Variants in IPO8 observed in about 807,000 individuals in gnomAD.
IPO8 encodes the protein importin 8, also known as importin-8.
In IPO8, 65 loss-of-function variants were observed where a neutral mutation model predicts 141.2. The observed-to-expected ratio is 0.46, with a 90% CI of 0.38 to 0.57. The LOEUF is 0.57. Ranked by LOEUF, IPO8 falls within the 20% of genes least tolerant of loss-of-function variation. The pLI is 0.00. For missense variants in IPO8, 980 were observed against 1,246.8 expected (o/e 0.79, Z 3.22); for synonymous variants, 411 against 420.3 (o/e 0.98, Z 0.27).
chr12:30,663,492 G>C lies in IPO8; in HGVS notation c.1591C>G (p.Gln531Glu), dbSNP rs1186762432. Residue 531 changes from glutamine to glutamate, a missense_variant, in exon 14 of 25, where the codon CAA becomes GAA. By Grantham distance (29) the Gln-to-Glu change is conservative (BLOSUM62 2). Transcript: ENST00000256079. ...ALQSLISNQI[Q>E]AKEYMKPHVR... ...CTAAAAGGTATTTTGGCTTTACCTT[G>C]TATCTGGTTAGAAATTAAAGACTGA... The C allele has an allele frequency of 1.2e-6, 2 of 1,608,298 alleles. No individual in the cohort carries two copies.
intron 1 of IPO8, chr12:30,694,891 G>A: frequency 2.3e-6 from 1 of 431,880 alleles, no homozygotes; most frequent in Non-Finnish European, 4.7e-6. Context: ...AAGACGTCAA[G>A]GCTAATTAGG....
chr12:30,691,649 CCAG>C (rs1190269772), intron 1 of IPO8, among the ~76,000 whole-genome samples: 9 of 152,160 alleles, frequency 5.9e-5, no homozygotes, highest in Non-Finnish European at 1.0e-4. Flanking sequence ...AGACAATGAC[CCAG>C]AGAGTCTGTT....
rs2053219830 is a variant in IPO8, at chr12:30,684,431, T to A, written c.193A>T (p.Thr65Ser). 4 of 1,613,806 alleles carry A rather than the reference T, an allele frequency of 2.5e-6. No homozygotes were observed. The South Asian group carries it at 4.4e-5, about 18-fold the overall frequency. The stretch of plus-strand genomic sequence containing the variant: ...GGTTCTCGATCTGGCCAGTATTGTG[T>A]CACCATGTTCTTCAGGTAAATGGCA... The part of the protein sequence containing the change: ...AAAIYLKNMV[T>S]QYWPDREPPP... The change falls in exon 3 of 25, where the codon ACA (threonine) becomes TCA (serine). Residue 65 changes from threonine to serine, a missense_variant. Transcript: ENST00000256079.
In IPO8 at chr12:30,653,105, A is replaced by G; in HGVS notation, c.1949-13T>C. The G allele has an allele frequency of 1.2e-6, 2 of 1,605,354 alleles. No individual in the cohort carries two copies. Among genetic ancestry groups the G allele is most frequent in the Middle Eastern group, 1.7e-4 (1 of 6,022 alleles). The stretch of plus-strand genomic sequence containing the variant: ...TCTTCATAGAATTCTAGAAGAAAGA[A>G]AATCTCTAGTTAGAATGCTAGGAAA... On this transcript the variant is annotated splice_polypyrimidine_tract_variant and intron_variant, in intron 17 of 24. Transcript: ENST00000256079.
chr12:30,671,303 G>A (rs1345255779), intron 8 of IPO8, among the ~76,000 whole-genome samples: 5 of 152,138 alleles, frequency 3.3e-5, no homozygotes, highest in Non-Finnish European at 7.3e-5. Context: ...GTGTCTCATT[G>A]TAACTTCCAG....
At chr12:30,661,302 A>G (rs1346933543) in intron 15 of IPO8, 36 bp from the exon 16 acceptor site, 1 of 1,536,818 alleles carries the variant, frequency 6.5e-7, no homozygotes, top group South Asian at 1.3e-5. Flanking sequence ...CGCAATTAGT[A>G]GTACTGTTAC....
At chr12:30,674,096 G>A in intron 7 of IPO8, 22 bp from the exon 8 acceptor site, 1 of 1,402,262 alleles carries the variant, frequency 7.1e-7, no homozygotes, top group Non-Finnish European at 1.0e-6. Context: ...AAGAGAAAAT[G>A]TACAAATACC....
chr12:30,651,636 A>G (rs1337139804), intron 19 of IPO8, among the ~76,000 whole-genome samples: 1 of 152,088 alleles, frequency 6.6e-6, no homozygotes, highest in African/African-American at 2.4e-5. Flanking sequence ...TTATTTAGCC[A>G]AAGATCCCAA....
At chr12:30,671,785 A>C (rs2053056034) in intron 8 of IPO8, among the ~76,000 whole-genome samples, 1 of 145,598 alleles carries the variant, frequency 6.9e-6, no homozygotes, top group African/African-American at 2.4e-5. Context: ...TATTTCATAA[A>C]GACTTCTTCA....
At position 30,695,753 on chromosome 12, in the gene IPO8, C is replaced by A; in HGVS notation, c.-106G>T. On this transcript the variant is annotated 5_prime_UTR_variant, in exon 1 of 25. Coordinates refer to ENST00000256079, the MANE Select transcript of IPO8 (RefSeq NM_006390.4). The surrounding 1 kb of genome is among the most constrained non-coding windows in gnomAD (Gnocchi z 4.2). Reference sequence around the variant, plus strand: ...CTCTTCCGCGACCCCTGGATTACCTCACACCCCACCCCCCGCCACCGTCGC... The same window carrying A: ...CTCTTCCGCGACCCCTGGATTACCTAACACCCCACCCCCCGCCACCGTCGC... 1 of 1,016,688 alleles carries A rather than the reference C, an allele frequency of 9.8e-7. No homozygotes were observed. Among genetic ancestry groups the A allele is most frequent in the Non-Finnish European group, 1.4e-6 (1 of 690,074 alleles). 63.0% of individuals were successfully genotyped at this position (1,016,688 alleles called of 1,614,324 possible).
rs1192283037 is a variant in IPO8, at chr12:30,630,660, A to G, written c.*200T>C. The G allele has an allele frequency of 1.9e-6, 1 of 532,988 alleles. No homozygotes were observed. The highest frequency in any genetic ancestry group is 3.3e-6 in the Non-Finnish European group (1 of 303,198). 33.0% of individuals were successfully genotyped at this position (532,988 alleles called of 1,614,324 possible). On this transcript the variant is annotated 3_prime_UTR_variant, in exon 25 of 25. Coordinates refer to ENST00000256079, the MANE Select transcript of IPO8 (RefSeq NM_006390.4). ...TGTTTTTCTTTCATTTCATACTTAC[A>G]GTAGCTGTTTAAAATATATATTTCA...
chr12:30,666,147 T>G, intron 11 of IPO8, 28 bp downstream of exon 11: 2 of 1,415,560 alleles, frequency 1.4e-6, no homozygotes, highest in Non-Finnish European at 1.9e-6. Flanking sequence ...ACCTTTCAGT[T>G]TTGGATTTAA....
At chr12:30,673,739 T>C (rs1189563926) in intron 8 of IPO8, among the ~76,000 whole-genome samples, 1 of 152,150 alleles carries the variant, frequency 6.6e-6, no homozygotes, top group Non-Finnish European at 1.5e-5. Context: ...ACTATCAACT[T>C]AAAAGGTTTG....
At chr12:30,636,478 T>C (rs984213541) in intron 22 of IPO8, among the ~76,000 whole-genome samples, 2 of 152,150 alleles carry the variant, frequency 1.3e-5, no homozygotes, top group Admixed American at 6.5e-5. Context: ...CCTTAATTTA[T>C]ATTTAAATCA....
chr12:30,683,575 C>T (rs2053210516), intron 3 of IPO8, among the ~76,000 whole-genome samples: 1 of 152,186 alleles, frequency 6.6e-6, no homozygotes, highest in African/African-American at 2.4e-5. Flanking sequence ...GACTTTACAG[C>T]TGCTCTGTCC....
chr12:30,671,839 T>G (rs1360761619), intron 8 of IPO8, among the ~76,000 whole-genome samples: 1 of 152,026 alleles, frequency 6.6e-6, no homozygotes, highest in Non-Finnish European at 1.5e-5. Context: ...TTGGCATAAC[T>G]GATTAGCCCC....
intron 20 of IPO8, among the ~76,000 whole-genome samples, chr12:30,647,035 G>C (rs1194668238): frequency 6.6e-6 from 1 of 152,134 alleles, no homozygotes; most frequent in Non-Finnish European, 1.5e-5. Context: ...TGCAGTTACA[G>C]GACTCAAACC....
intron 19 of IPO8, among the ~76,000 whole-genome samples, chr12:30,650,488 G>A (rs2052711107): frequency 6.6e-6 from 1 of 152,016 alleles, no homozygotes; most frequent in Non-Finnish European, 1.5e-5. Flanking sequence ...CTCTAGGACA[G>A]TATACCACAG....
In IPO8 at chr12:30,631,889, G is replaced by A. The variant is rs751472954; in HGVS notation, c.3016+6C>T. 13 of 1,599,182 alleles carry A rather than the reference G, an allele frequency of 8.1e-6. No homozygotes were observed. The South Asian group carries it at 1.1e-4, about 14-fold the overall frequency. On this transcript the variant is annotated splice_donor_region_variant and intron_variant, in intron 24 of 24. Coordinates refer to ENST00000256079, the MANE Select transcript of IPO8 (RefSeq NM_006390.4). Reference sequence around the variant, plus strand: ...GCACTCCACTCTGGAGGTTACTCTGGCTGACCTGCCACCGTCCGTCGGTGC... The same window carrying A: ...GCACTCCACTCTGGAGGTTACTCTGACTGACCTGCCACCGTCCGTCGGTGC...
Sources: allele counts gnomAD v4.1 joint callset (sites outside exome capture counted in the v4.1 genomes callset), GRCh38; gene constraint gnomAD v4.1.1; non-coding constraint Gnocchi (gnomAD v3.1); transcripts MANE v1.5; gene names NCBI Gene and HGNC (gene_info 2026-07-23, HGNC 2026-07-21).